Variants in TAOK3 observed in about 807,000 individuals in gnomAD.
The protein encoded by TAOK3 is TAO kinase 3.
In TAOK3, 40 loss-of-function variants were observed where a neutral mutation model predicts 120.4. That is an observed-to-expected ratio of 0.33 (90% CI 0.26 to 0.43). The LOEUF (loss-of-function observed/expected upper bound fraction) is 0.43. Ranked by LOEUF, TAOK3 falls within the 20% of genes least tolerant of loss-of-function variation. TAOK3 has a pLI of 1.00. For missense variants in TAOK3, 821 were observed against 1,112.1 expected (o/e 0.74, Z 3.72); for synonymous variants, 355 against 387.5 (o/e 0.92, Z 0.99).
chr12:118,265,144 A>G (rs1284672533), intron 2 of TAOK3, among the ~76,000 whole-genome samples: 2 of 149,476 alleles, frequency 1.3e-5, no homozygotes, highest in African/African-American at 2.5e-5. Context: ...AAATCCCAGC[A>G]CTTTGGGAGG....
intron 3 of TAOK3, among the ~76,000 whole-genome samples, chr12:118,245,616 C>A (rs1427861343): frequency 6.6e-6 from 1 of 152,134 alleles, no homozygotes; most frequent in Non-Finnish European, 1.5e-5. Flanking sequence ...CCGTGCCTGG[C>A]CTCATATTAT....
intron 13 of TAOK3, among the ~76,000 whole-genome samples, chr12:118,196,961 T>A: frequency 6.6e-6 from 1 of 152,194 alleles, no homozygotes; most frequent in Non-Finnish European, 1.5e-5. Flanking sequence ...TATACAAAAT[T>A]TTCTGTTGAG....
chr12:118,294,437 G>A (rs1396401145), intron 1 of TAOK3, among the ~76,000 whole-genome samples: 4 of 151,544 alleles, frequency 2.6e-5, no homozygotes, highest in African/African-American at 7.3e-5. Context: ...AGACTGGAGT[G>A]CAGTACTGCA....
intron 11 of TAOK3, among the ~76,000 whole-genome samples, chr12:118,207,858 T>TCTCACACACACACA (rs147799225): frequency 1.1e-4 from 16 of 144,448 alleles, no homozygotes; most frequent in South Asian, 2.3e-4. Flanking sequence ...AGACTCTGTC[T>TCTCACACACACACA]CACACACACA....
intron 1 of TAOK3, among the ~76,000 whole-genome samples, chr12:118,339,451 A>C (rs931878941): frequency 1.3e-5 from 2 of 151,472 alleles, no homozygotes; most frequent in Non-Finnish European, 2.9e-5. Context: ...GCGTTAATGG[A>C]AGTTAAGTCT....
intron 3 of TAOK3, among the ~76,000 whole-genome samples, chr12:118,248,269 T>C (rs1402427511): frequency 6.6e-6 from 1 of 151,394 alleles, no homozygotes; most frequent in Non-Finnish European, 1.5e-5. Context: ...AAGGTAAAAG[T>C]ACCTATTATA....
At chr12:118,208,170 T>C (rs2038434867) in intron 11 of TAOK3, among the ~76,000 whole-genome samples, 1 of 152,236 alleles carries the variant, frequency 6.6e-6, no homozygotes, top group South Asian at 2.1e-4. Flanking sequence ...CATTTACATC[T>C]GTCCTTTAAC....
intron 11 of TAOK3, among the ~76,000 whole-genome samples, chr12:118,212,204 G>C (rs951102295): frequency 1.3e-5 from 2 of 152,184 alleles, no homozygotes; most frequent in African/African-American, 4.8e-5. Context: ...CCATTCTAGA[G>C]ACGGAAGAAA....
rs115468289 is a variant in TAOK3 at position 118,174,068 on chromosome 12, T to C, written c.1696-1408A>G. On this transcript the variant is annotated intron_variant, in intron 16 of 20. Coordinates refer to ENST00000392533, the MANE Select transcript of TAOK3 (RefSeq NM_016281.4). ...TCATCTCTTCATGCCGTGATGTCAC[T>C]ACTTGGTTGGCCATTAACCACTAGA... Among the ~76,000 whole-genome samples the C allele has an allele frequency of 2.8e-3, 432 of 152,300 alleles. 3 individuals are homozygous for C. The highest frequency in any genetic ancestry group is 9.4e-3 in the African/African-American group (390 of 41,564).
At chr12:118,218,308 T>C (rs2039042087) in intron 9 of TAOK3, among the ~76,000 whole-genome samples, 1 of 152,182 alleles carries the variant, frequency 6.6e-6, no homozygotes, top group South Asian at 2.1e-4. Context: ...GGGCAGATTT[T>C]AGAAAGTTTG....
rs1255797024 is a variant in TAOK3 at position 118,177,322 on chromosome 12, A to G, written c.1574T>C (p.Val525Ala). 1.2e-6 allele frequency: 2 copies of G among 1,613,484 alleles called. No individual in the cohort carries two copies. Among genetic ancestry groups the G allele is most frequent in the Non-Finnish European group, 8.5e-7 (1 of 1,179,938 alleles). The change falls in exon 16 of 21, where the codon GTA becomes GCA. Residue 525 changes from valine to alanine, a missense_variant. Val to Ala is a moderately conservative substitution (Grantham distance 64). Transcript: ENST00000392533. ...GAACTTCTTCTCATCTGCTGCAGCT[A>G]CCTTTGCCTGATAAAATAACAAATA... ...QVAIIEKEAK[V>A]AAADEKKFQQ... is the part of the protein sequence containing the mutation.
chr12:118,216,860 C>T (rs916918204), intron 9 of TAOK3, among the ~76,000 whole-genome samples: 2 of 144,512 alleles, frequency 1.4e-5, no homozygotes, highest in Admixed American at 1.5e-4. Flanking sequence ...ACCCAGGAGG[C>T]GGAGCCTGCA....
chr12:118,217,795 G>GTA (rs1279454828), intron 9 of TAOK3, among the ~76,000 whole-genome samples: 1 of 81,274 alleles, frequency 1.2e-5, no homozygotes, highest in African/African-American at 4.5e-5. Flanking sequence ...ATGTATGTAT[G>GTA]TATGTGTGTG....
At chr12:118,322,356 T>C (rs2043747368) in intron 1 of TAOK3, among the ~76,000 whole-genome samples, 1 of 151,886 alleles carries the variant, frequency 6.6e-6, no homozygotes, top group Non-Finnish European at 1.5e-5. Flanking sequence ...ACACTGCGTT[T>C]GTTCTTTGAT....
chr12:118,251,715 A>G (rs2040760342), intron 3 of TAOK3, among the ~76,000 whole-genome samples: 1 of 152,180 alleles, frequency 6.6e-6, no homozygotes, highest in African/African-American at 2.4e-5. Flanking sequence ...GCCTAGTACA[A>G]CGTAGGTCTC....
chr12:118,338,916 G>A (rs554702894), intron 1 of TAOK3, among the ~76,000 whole-genome samples: 51 of 151,826 alleles, frequency 3.4e-4, no homozygotes, highest in Non-Finnish European at 6.0e-4. Context: ...GAGATGGGAA[G>A]TGGAGAAAAA....
rs1367124014 is a variant in TAOK3 at position 118,162,002 on chromosome 12, T to G, written c.1925A>C (p.Lys642Thr). ...GATTAGCATGGCATGCTCCATCTCC[T>G]TCTGGGTCCTCTTTTTATTTAGTTC... ...REELNKKRTQ[K>T]EMEHAMLIRH... Residue 642 changes from lysine to threonine, a missense_variant, in exon 18 of 21, where the codon AAG (lysine) becomes ACG (threonine). Lys to Thr is a moderately conservative substitution (Grantham distance 78). Transcript: ENST00000392533. 6.2e-7 allele frequency: 1 copy of G among 1,613,738 alleles called. No homozygotes were observed.
At chr12:118,233,864 AATTTT>A in intron 8 of TAOK3, 99 bp from the exon 9 acceptor site, 1 of 732,930 alleles carries the variant, frequency 1.4e-6, no homozygotes, top group Non-Finnish European at 2.3e-6. Flanking sequence ...GGTATTCTGA[AATTTT>A]ATCTGATATA....
At chr12:118,250,447 C>T (rs2040700162) in intron 3 of TAOK3, among the ~76,000 whole-genome samples, 1 of 152,136 alleles carries the variant, frequency 6.6e-6, no homozygotes, top group East Asian at 1.9e-4. Flanking sequence ...AAGCTGTGAC[C>T]TACAGAGGCT....
Sources: gnomAD v4.1 joint callset for allele counts (sites outside exome capture counted in the v4.1 genomes callset) on GRCh38, gnomAD v4.1.1 for gene constraint, MANE v1.5 for transcripts, NCBI Gene and HGNC (gene_info 2026-07-23, HGNC 2026-07-21) for gene names.